Variants in AP4E1 observed in about 807,000 individuals in gnomAD.
AP4E1 encodes AP-4 complex subunit epsilon-1.
AP4E1 carries 56 observed loss-of-function variants against 128.2 expected under a neutral mutation model. The observed-to-expected ratio is 0.44, with a 90% CI of 0.35 to 0.55. The LOEUF (loss-of-function observed/expected upper bound fraction) is 0.55. Ranked by LOEUF, AP4E1 falls within the 20% of genes least tolerant of loss-of-function variation. The probability of loss-of-function intolerance (pLI) is 0.00; values close to 1 mark genes in which losing one functional copy is unlikely to be tolerated. For missense variants in AP4E1, 1,324 were observed against 1,307.7 expected, an observed-to-expected ratio of 1.01 and a Z score of -0.19; for synonymous variants, 484 against 473.1, an observed-to-expected ratio of 1.02 and a Z score of -0.30.
At chr15:50,955,509 T>C (rs1292140283) in intron 13 of AP4E1, among the ~76,000 whole-genome samples, 1 of 152,230 alleles carries the variant, frequency 6.6e-6, no homozygotes, top group Non-Finnish European at 1.5e-5. Flanking sequence ...TTCTTCTATA[T>C]CCTTGCTGAT....
intron 17 of AP4E1, among the ~76,000 whole-genome samples, chr15:50,997,043 C>CT (rs1296652284): frequency 1.3e-5 from 2 of 152,174 alleles, no homozygotes; most frequent in Admixed American, 6.5e-5. Context: ...ATTCTGAAAT[C>CT]TAACAAGTTT....
intron 8 of AP4E1, among the ~76,000 whole-genome samples, chr15:50,938,732 C>T (rs1409605129): frequency 6.6e-6 from 1 of 152,140 alleles, no homozygotes; most frequent in Non-Finnish European, 1.5e-5. Context: ...CATAGTGTCA[C>T]TGGAGGCCAC....
chr15:50,914,362 T>A (rs1258020653), intron 2 of AP4E1, among the ~76,000 whole-genome samples: 2 of 152,036 alleles, frequency 1.3e-5, no homozygotes, highest in Non-Finnish European at 2.9e-5. Flanking sequence ...ATTAAAATAG[T>A]CTATGTGGAC....
intron 8 of AP4E1, among the ~76,000 whole-genome samples, chr15:50,940,017 A>T (rs555804657): frequency 6.6e-6 from 1 of 152,204 alleles, no homozygotes; most frequent in African/African-American, 2.4e-5. Context: ...TCACAGGCCT[A>T]TAAAAATAGG....
intron 13 of AP4E1, 132 bp from the exon 14 acceptor site, chr15:50,958,360 A>C: frequency 1.4e-6 from 1 of 740,462 alleles, no homozygotes. Flanking sequence ...ATCTTTAATA[A>C]TTTTTTCACC....
chr15:50,987,349 T>G (rs1003367475), intron 16 of AP4E1, among the ~76,000 whole-genome samples: 1 of 152,212 alleles, frequency 6.6e-6, no homozygotes, highest in Non-Finnish European at 1.5e-5. Flanking sequence ...TGCCAGCTTT[T>G]GAATGTGTTT....
intron 4 of AP4E1, among the ~76,000 whole-genome samples, 176 bp from the exon 5 acceptor site, chr15:50,924,918 CTATT>C (rs1327695163): frequency 6.6e-6 from 1 of 152,144 alleles, no homozygotes; most frequent in African/African-American, 2.4e-5. Flanking sequence ...TCTACTGACT[CTATT>C]AAGGCAAATG....
In AP4E1 at chr15:51,002,530, G is replaced by A. The variant is rs373710400; in HGVS notation, c.3282G>A (p.Leu1094=). The A allele has an allele frequency of 2.5e-6, 4 of 1,613,986 alleles. No individual in the cohort carries two copies. The highest frequency in any genetic ancestry group is 3.4e-6 in the Non-Finnish European group (4 of 1,180,000). ...ATGAAGGGCTATTGGCCTGTCAGCT[G>A]CTCCCATCCATCCCCTGCTTACTGC... ...IGNEGLLACQ[L]LPSIPCLLHC... The change falls in exon 21 of 21, where the codon CTG becomes CTA. Residue 1094 remains leucine (L), a synonymous_variant. Transcript: ENST00000261842.
upstream of AP4E1, chr15:50,908,589 C>A (rs1052143968): frequency 1.5e-6 from 1 of 662,058 alleles, no homozygotes; most frequent in Admixed American, 4.3e-5. Flanking sequence ...TCCACCCCCG[C>A]GGTCTCTTGC....
Position 50,929,042 on chromosome 15 carries a change from A to G in AP4E1, c.576A>G (p.Leu192=). The change falls in exon 6 of 21, where the codon TTA becomes TTG. Residue 192 remains leucine (L), a synonymous_variant. Transcript: ENST00000261842. The stretch of plus-strand genomic sequence containing the variant: ...TACGAAGAAAAGCTGTTCTGGCATT[A>G]TACAAATTCCATCTCATTGCTCCTA... ...EIVRRKAVLA[L]YKFHLIAPNQ... is the part of the protein sequence containing the mutation. The G allele has an allele frequency of 2.5e-6, 4 of 1,613,892 alleles. No individual in the cohort carries two copies. The highest frequency in any genetic ancestry group is 3.4e-6 in the Non-Finnish European group (4 of 1,179,892).
At chr15:50,974,334 A>G (rs182460780) in intron 15 of AP4E1, among the ~76,000 whole-genome samples, 107 of 147,672 alleles carry the variant, frequency 7.2e-4, no homozygotes, top group African/African-American at 2.5e-3. Context: ...TAGAACGATC[A>G]TAGTTCACTG....
chr15:50,995,701 A>G (rs549049615), intron 17 of AP4E1, among the ~76,000 whole-genome samples: 1 of 152,030 alleles, frequency 6.6e-6, no homozygotes, highest in East Asian at 1.9e-4. Flanking sequence ...TTCATTTTTA[A>G]GACATTTTTT....
In AP4E1 at chr15:50,930,739, T is replaced by G. The variant is rs1018592045; in HGVS notation, c.703-66T>G. 65 of 1,505,918 alleles carry G rather than the reference T, an allele frequency of 4.3e-5. No homozygotes were observed. In the African/African-American group the frequency reaches 5.5e-4, roughly 13 times the overall value. 93.3% of individuals were successfully genotyped at this position (1,505,918 alleles called of 1,614,324 possible). ...TATTAAGTCAGGTTCTATATGACAT[T>G]TCAATTAGGTCTATTTCTATTTAAT... On this transcript the variant is annotated intron_variant, in intron 6 of 20. Transcript: ENST00000261842.
rs542737914 is a variant in AP4E1, at chr15:50,997,500, A to G, written c.2521A>G (p.Lys841Glu). The G allele has an allele frequency of 1.9e-6, 3 of 1,614,098 alleles. No homozygotes were observed. Among genetic ancestry groups the G allele is most frequent in the Admixed American group, 1.7e-5 (1 of 60,022 alleles). Residue 841 changes from lysine (K) to glutamate (E), a missense_variant, in exon 18 of 21, where the codon AAG (lysine) becomes GAG (glutamate). Lys to Glu is a moderately conservative substitution (Grantham distance 56, BLOSUM62 1). Coordinates refer to ENST00000261842, the MANE Select transcript of AP4E1 (RefSeq NM_007347.5). ...GAATACTTTGCACGATACAGGAGACAAGGAATTAAAGAAATTTTCTCTCAC... is the reference window on the plus strand; with the variant it reads ...GAATACTTTGCACGATACAGGAGACGAGGAATTAAAGAAATTTTCTCTCAC... ...YSNTLHDTGD[K>E]ELKKFSLTSE...
intron 3 of AP4E1, among the ~76,000 whole-genome samples, chr15:50,917,450 AT>A (rs1297720801): frequency 6.6e-6 from 1 of 152,002 alleles, no homozygotes; most frequent in African/African-American, 2.4e-5. Context: ...ATTTTCTCTT[AT>A]TCCCTTTACA....
At chr15:50,953,816 T>G (rs556059679) in intron 13 of AP4E1, among the ~76,000 whole-genome samples, 34 of 152,242 alleles carry the variant, frequency 2.2e-4, no homozygotes, top group African/African-American at 7.9e-4. Context: ...AGAAGGGAAA[T>G]TGCCTCTGTG....
intron 10 of AP4E1, among the ~76,000 whole-genome samples, chr15:50,947,434 A>T (rs1196028374): frequency 6.9e-6 from 1 of 145,446 alleles, no homozygotes; most frequent in Admixed American, 6.9e-5. Flanking sequence ...AAAAAAAAAA[A>T]GTAGCTATAA....
chr15:50,948,303 A>G, intron 11 of AP4E1, 144 bp downstream of exon 11: 1 of 1,036,854 alleles, frequency 9.6e-7, no homozygotes, highest in Admixed American at 2.3e-5. Flanking sequence ...CTCTCTTGTC[A>G]GAAAAAGGGA....
chr15:50,969,978 T>C (rs1052740093), intron 15 of AP4E1, among the ~76,000 whole-genome samples: 1 of 152,188 alleles, frequency 6.6e-6, no homozygotes, highest in Non-Finnish European at 1.5e-5. Context: ...ATCTTTCTTC[T>C]AGTTTTTGAG....
Sources: gnomAD v4.1 joint callset for allele counts (sites outside exome capture counted in the v4.1 genomes callset) on GRCh38, gnomAD v4.1.1 for gene constraint, MANE v1.5 for transcripts, NCBI Gene and HGNC (gene_info 2026-07-23, HGNC 2026-07-21) for gene names.